Variants in DYNC1I2 observed in about 807,000 individuals in gnomAD.
DYNC1I2 encodes the protein cytoplasmic dynein 1 intermediate chain 2.
In DYNC1I2, 53 loss-of-function variants were observed where a neutral mutation model predicts 88.6. The ratio of observed to expected loss-of-function variants is 0.60; its 90% CI spans 0.48 to 0.75. The LOEUF (loss-of-function observed/expected upper bound fraction) is 0.75, where lower values mean the gene tolerates loss of function less well. Ranked by LOEUF, DYNC1I2 falls within the 30% of genes least tolerant of loss-of-function variation. The probability of loss-of-function intolerance (pLI) is 0.00; values close to 1 mark genes in which losing one functional copy is unlikely to be tolerated. For synonymous variants in DYNC1I2, 198 were observed against 254.6 expected (o/e 0.78, Z 2.12); for missense variants, 458 against 766.6 (o/e 0.60, Z 4.75).
At chr2:171,727,707 A>C in intron 11 of DYNC1I2, 114 bp from the exon 12 acceptor site, 1 of 743,466 alleles carries the variant, frequency 1.3e-6, no homozygotes. Context: ...TGTTTTTATA[A>C]CCTCTAATAC....
chr2:171,708,431 C>CT (rs1686852274), intron 5 of DYNC1I2, among the ~76,000 whole-genome samples: 1 of 152,142 alleles, frequency 6.6e-6, no homozygotes, highest in African/African-American at 2.4e-5. Flanking sequence ...GCACATAAAG[C>CT]TTGCCAGCTT....
At chr2:171,736,709 A>G (rs1689033258) in intron 15 of DYNC1I2, among the ~76,000 whole-genome samples, 1 of 152,178 alleles carries the variant, frequency 6.6e-6, no homozygotes, top group Admixed American at 6.6e-5. Context: ...TTTCTATTTT[A>G]ATAGACACAT....
At position 171,727,974 on chromosome 2, in the gene DYNC1I2, A is replaced by T; in HGVS notation, c.1143+7A>T. ...GTCAGCAGCTGCACACACAGTAAGT[A>T]AATAAGGTTATTTCCATTAGGCTTC... On this transcript the variant is annotated splice_region_variant and intron_variant, in intron 12 of 17. Coordinates refer to ENST00000397119, the MANE Select transcript of DYNC1I2 (RefSeq NM_001378.3). 6.2e-7 allele frequency: 1 copy of T among 1,611,324 alleles called. No individual in the cohort carries two copies. Among genetic ancestry groups the T allele is most frequent in the African/African-American group, 1.3e-5 (1 of 74,958 alleles).
chr2:171,690,892 A>G (rs1239571278), intron 2 of DYNC1I2, among the ~76,000 whole-genome samples: 3 of 151,932 alleles, frequency 2.0e-5, no homozygotes, highest in Non-Finnish European at 4.4e-5. Flanking sequence ...CTGAACTCAA[A>G]CAGTCCTCCT....
rs75555985 is a variant in DYNC1I2, at chr2:171,727,480, T to G, written c.997-341T>G. ...ACACTTAACTTGAATTAAACTAGCGTGTACTCTACTGTTAGATTACTGTCA... is the reference window on the plus strand; with the variant it reads ...ACACTTAACTTGAATTAAACTAGCGGGTACTCTACTGTTAGATTACTGTCA... On this transcript the variant is annotated intron_variant, in intron 11 of 17. Coordinates refer to ENST00000397119, the MANE Select transcript of DYNC1I2 (RefSeq NM_001378.3). 6.9e-3 allele frequency among the ~76,000 whole-genome samples: 1,052 copies of G among 152,264 alleles called. 4 individuals carry two copies. The highest frequency in any genetic ancestry group is 0.012 in the Non-Finnish European group (784 of 67,988).
intron 15 of DYNC1I2, among the ~76,000 whole-genome samples, chr2:171,735,891 A>C (rs867269818): frequency 1.4e-4 from 22 of 152,272 alleles, no homozygotes; most frequent in African/African-American, 4.8e-4. Context: ...AGATGTGTGC[A>C]CAAATTCTTA....
intron 1 of DYNC1I2, 106 bp from the exon 2 acceptor site, chr2:171,690,041 T>G: frequency 1.5e-5 from 9 of 580,744 alleles, no homozygotes; most frequent in South Asian, 4.2e-5. Context: ...TGTGCTTTTT[T>G]GAGATAGCAT....
Position 171,727,840 on chromosome 2 carries a change from C to G in DYNC1I2, c.1016C>G (p.Thr339Arg). 6.2e-7 allele frequency: 1 copy of G among 1,612,950 alleles called. No homozygotes were observed. Among genetic ancestry groups the G allele is most frequent in the Non-Finnish European group, 8.5e-7 (1 of 1,179,344 alleles). Residue 339 changes from threonine (T) to arginine (R), a missense_variant, in exon 12 of 18, where the codon ACA becomes AGA. Physicochemically the swap from Thr to Arg is moderately conservative, Grantham distance 71. Around this residue, in one of 5 missense-constraint regions of DYNC1I2, gnomAD observed 203 missense variants for 354.2 expected, o/e 0.57. Coordinates refer to ENST00000397119, the MANE Select transcript of DYNC1I2 (RefSeq NM_001378.3). Reference sequence around the variant, plus strand: ...TTGCAGTCAGCTGTGATGTCTGCCACATTTGCAAAATTTCATCCAAATCTT... The same window carrying G: ...TTGCAGTCAGCTGTGATGTCTGCCAGATTTGCAAAATTTCATCCAAATCTT... ...FHCQSAVMSA[T>R]FAKFHPNLVV...
At chr2:171,729,187 T>A (rs1414060122) in intron 14 of DYNC1I2, among the ~76,000 whole-genome samples, 4 of 152,164 alleles carry the variant, frequency 2.6e-5, no homozygotes, top group African/African-American at 9.6e-5. Flanking sequence ...CTGTTTCCCC[T>A]TTTGATTTAT....
intron 3 of DYNC1I2, among the ~76,000 whole-genome samples, chr2:171,701,369 C>T (rs1404023228): frequency 6.6e-6 from 1 of 152,142 alleles, no homozygotes; most frequent in Admixed American, 6.5e-5. Context: ...GGGGTTTCAC[C>T]ATGTTGGCCG....
chr2:171,735,568 A>G (rs950676701), intron 15 of DYNC1I2, among the ~76,000 whole-genome samples: 1 of 152,266 alleles, frequency 6.6e-6, no homozygotes, highest in Non-Finnish European at 1.5e-5. Context: ...CAACCTGTAT[A>G]GAAGACAAAC....
chr2:171,732,852 G>A (rs1158127813), intron 15 of DYNC1I2, among the ~76,000 whole-genome samples: 1 of 152,148 alleles, frequency 6.6e-6, no homozygotes, highest in Non-Finnish European at 1.5e-5. Flanking sequence ...GTAATTGAAA[G>A]TAATCTTTTT....
rs73976504 is a variant in DYNC1I2 at position 171,709,240 on chromosome 2, G to A, written c.335+1863G>A. Among the ~76,000 whole-genome samples, 523 of 152,210 alleles carry A rather than the reference G, an allele frequency of 3.4e-3. 2 individuals are homozygous for A. The highest frequency in any genetic ancestry group is 0.011 in the African/African-American group (475 of 41,548). On this transcript the variant is annotated intron_variant, in intron 5 of 17. Coordinates refer to ENST00000397119, the MANE Select transcript of DYNC1I2 (RefSeq NM_001378.3). ...AGTGTCAGCAAGTTTGCTTTCAAAA[G>A]TACTTTGACACTTAAGTTTTTTAAA...
chr2:171,695,569 C>T (rs890151250), intron 3 of DYNC1I2, among the ~76,000 whole-genome samples: 4 of 151,994 alleles, frequency 2.6e-5, no homozygotes, highest in African/African-American at 9.7e-5. Flanking sequence ...TATATAATAT[C>T]CTATTATGTA....
chr2:171,722,774 GTTT>G (rs1687986435), intron 7 of DYNC1I2, among the ~76,000 whole-genome samples: 1 of 152,114 alleles, frequency 6.6e-6, no homozygotes, highest in African/African-American at 2.4e-5. Flanking sequence ...GCATTTTACA[GTTT>G]TTAAGAACAG....
intron 15 of DYNC1I2, among the ~76,000 whole-genome samples, chr2:171,739,586 G>T (rs992754787): frequency 1.3e-5 from 2 of 150,820 alleles, no homozygotes; most frequent in Non-Finnish European, 2.9e-5. Flanking sequence ...ATGAACATTG[G>T]CTCCTTATTT....
intron 7 of DYNC1I2, among the ~76,000 whole-genome samples, chr2:171,718,896 G>GA (rs1223407593): frequency 1.3e-5 from 2 of 152,310 alleles, no homozygotes; most frequent in South Asian, 2.1e-4. Flanking sequence ...AGCTGAAACT[G>GA]AAAGAGGTAG....
At chr2:171,728,966 T>A in intron 14 of DYNC1I2, 116 bp downstream of exon 14, 1 of 1,196,594 alleles carries the variant, frequency 8.4e-7, no homozygotes, top group East Asian at 2.8e-5. Flanking sequence ...TGTGACAGAT[T>A]TTTTGTGTTC....
At chr2:171,735,885 G>A (rs1250622718) in intron 15 of DYNC1I2, among the ~76,000 whole-genome samples, 1 of 152,218 alleles carries the variant, frequency 6.6e-6, no homozygotes, top group Non-Finnish European at 1.5e-5. Context: ...ATTTTGAGAT[G>A]TGTGCACAAA....
Sources: gnomAD v4.1 joint callset for allele counts (sites outside exome capture counted in the v4.1 genomes callset) on GRCh38, gnomAD v4.1.1 for gene constraint, gnomAD v4.1.1 regional missense constraint, MANE v1.5 for transcripts, NCBI Gene and HGNC (gene_info 2026-07-23, HGNC 2026-07-21) for gene names.